Variants in OVCH1 observed in about 807,000 individuals in gnomAD.
OVCH1 encodes the protein ovochymase 1, also known as ovochymase-1.
A neutral mutation model predicts 138.4 loss-of-function variants in OVCH1; 139 were observed. The ratio of observed to expected loss-of-function variants is 1.00; its 90% CI spans 0.87 to 1.16. The LOEUF is 1.16. Ranked by LOEUF, OVCH1 falls within the 50% of genes most tolerant of loss-of-function variation. The pLI is 0.00. For synonymous variants in OVCH1, 453 were observed against 467.8 expected, an observed-to-expected ratio of 0.97 and a Z score of 0.41; for missense variants, 1,367 against 1,357.9, an observed-to-expected ratio of 1.01 and a Z score of -0.11.
At chr12:29,475,025 A>T in intron 14 of OVCH1, 36 bp downstream of exon 14, 1 of 1,558,692 alleles carries the variant, frequency 6.4e-7, no homozygotes, top group Non-Finnish European at 8.7e-7. Flanking sequence ...CATTTGCATA[A>T]ACAAAAGTCC....
At chr12:29,440,713 A>G (rs1388403818) in intron 25 of OVCH1, 2 of 455,890 alleles carry the variant, frequency 4.4e-6, no homozygotes, top group South Asian at 1.5e-5. Context: ...TGGCTTAGGA[A>G]CCAAGAAAGC....
chr12:29,440,438 A>T (rs1440538572), intron 25 of OVCH1: 1 of 197,544 alleles, frequency 5.1e-6, no homozygotes, highest in Non-Finnish European at 1.0e-5. Flanking sequence ...CCCATAGAAG[A>T]GGCAATAGGG....
downstream of OVCH1, among the ~76,000 whole-genome samples, chr12:29,410,874 G>A (rs1213379978): frequency 6.6e-6 from 1 of 151,508 alleles, no homozygotes; most frequent in Admixed American, 6.6e-5. Context: ...CTAGATTGGG[G>A]AAGTTCTCCT....
intron 8 of OVCH1, among the ~76,000 whole-genome samples, chr12:29,484,722 G>C (rs188287060): frequency 1.3e-5 from 2 of 152,242 alleles, no homozygotes; most frequent in East Asian, 1.9e-4. Flanking sequence ...CCAATTATGA[G>C]AATAGTAGTC....
At chr12:29,428,428 C>G (rs553912972) in intron 27 of OVCH1, among the ~76,000 whole-genome samples, 2 of 152,326 alleles carry the variant, frequency 1.3e-5, no homozygotes, top group South Asian at 4.1e-4. Context: ...TATACTCCCT[C>G]TCTGCAATGA....
downstream of OVCH1, among the ~76,000 whole-genome samples, chr12:29,425,046 G>A (rs1941160266): frequency 2.0e-5 from 3 of 152,124 alleles, no homozygotes; most frequent in African/African-American, 7.2e-5. Context: ...GGGGGAATGG[G>A]ATGAACTTAA....
chr12:29,479,780 A>C (rs1166491771), intron 8 of OVCH1, among the ~76,000 whole-genome samples: 3 of 139,740 alleles, frequency 2.1e-5, no homozygotes, highest in African/African-American at 7.8e-5. Flanking sequence ...AACACTAATA[A>C]TTTTTTTTTT....
intron 7 of OVCH1, 134 bp from the exon 8 acceptor site, chr12:29,486,482 CAG>C (rs1468291781): frequency 1.0e-5 from 7 of 692,448 alleles, no homozygotes; most frequent in Non-Finnish European, 1.4e-5. Flanking sequence ...AATCTTTTCT[CAG>C]AGTCAGTAAC....
intron 16 of OVCH1, among the ~76,000 whole-genome samples, chr12:29,471,547 C>G (rs1463722535): frequency 6.6e-6 from 1 of 152,138 alleles, no homozygotes; most frequent in African/African-American, 2.4e-5. Flanking sequence ...TACATTTAGA[C>G]CAGTGGATTT....
intron 24 of OVCH1, 92 bp downstream of exon 24, chr12:29,444,053 G>A: frequency 2.2e-6 from 3 of 1,379,506 alleles, no homozygotes; most frequent in Non-Finnish European, 2.9e-6. Flanking sequence ...AAAAGGTGAA[G>A]AATAATGTTT....
chr12:29,446,052 A>G (rs1941605895), intron 22 of OVCH1, among the ~76,000 whole-genome samples: 1 of 152,136 alleles, frequency 6.6e-6, no homozygotes, highest in Admixed American at 6.6e-5. Context: ...GACATCCCAG[A>G]TACTTCTTTT....
At chr12:29,426,526 C>T (rs1289617489), downstream of OVCH1, among the ~76,000 whole-genome samples, 1 of 152,216 alleles carries the variant, frequency 6.6e-6, no homozygotes, top group African/African-American at 2.4e-5. Context: ...AGTGGCAACT[C>T]AATCTGGATA....
chr12:29,417,420 G>T (rs1161351785), intron 3 of OVCH1, among the ~76,000 whole-genome samples: 1 of 124,820 alleles, frequency 8.0e-6, no homozygotes, highest in Non-Finnish European at 1.6e-5. Context: ...CCAAGATTGT[G>T]CCACTGCACT....
chr12:29,495,024 GTA>G (rs1943375330), intron 4 of OVCH1, among the ~76,000 whole-genome samples: 1 of 152,070 alleles, frequency 6.6e-6, no homozygotes, highest in African/African-American at 2.4e-5. Flanking sequence ...CTGAAAATAT[GTA>G]CTTCTAATAT....
chr12:29,495,249 C>CGGAGGAAA (rs1943381684), intron 4 of OVCH1, 36 bp downstream of exon 4: 1 of 1,558,430 alleles, frequency 6.4e-7, no homozygotes, highest in Non-Finnish European at 8.8e-7. Flanking sequence ...AGTTTTCCTC[C>CGGAGGAAA]ACTGCATTTT....
intron 21 of OVCH1, among the ~76,000 whole-genome samples, chr12:29,452,192 T>G (rs1276858550): frequency 6.6e-6 from 1 of 152,178 alleles, no homozygotes; most frequent in African/African-American, 2.4e-5. Flanking sequence ...GACAAAAACT[T>G]TCTAAGCAAT....
the OVCH1 span, among the ~76,000 whole-genome samples, chr12:29,405,047 AAAAAAAAAAC>A: frequency 6.7e-6 from 1 of 148,578 alleles, no homozygotes; most frequent in African/African-American, 2.5e-5. Context: ...AAAAAAAAAA[AAAAAAAAAAC>A]AAAAGAAATG....
intron 19 of OVCH1, among the ~76,000 whole-genome samples, chr12:29,460,290 C>T (rs1942085730): frequency 6.6e-6 from 1 of 152,134 alleles, no homozygotes; most frequent in Non-Finnish European, 1.5e-5. Flanking sequence ...ATGTAAAAGA[C>T]AACATAATTA....
At chr12:29,496,104 G>C in intron 3 of OVCH1, 77 bp downstream of exon 3, 1 of 1,310,370 alleles carries the variant, frequency 7.6e-7, no homozygotes, top group Non-Finnish European at 1.1e-6. Flanking sequence ...GAATGAACCT[G>C]CTATTTAGAG....
Sources: allele counts gnomAD v4.1 joint callset (sites outside exome capture counted in the v4.1 genomes callset), GRCh38; gene constraint gnomAD v4.1.1; transcripts MANE v1.5; gene names NCBI Gene and HGNC (gene_info 2026-07-23, HGNC 2026-07-21).